Variants in FHIT observed in about 807,000 individuals in gnomAD.
The protein encoded by FHIT is bis(5'-adenosyl)-triphosphatase.
FHIT carries 19 observed loss-of-function variants against 17.9 expected under a neutral mutation model. The observed-to-expected ratio is 1.06, with a 90% confidence interval of 0.74 to 1.56. The LOEUF (loss-of-function observed/expected upper bound fraction) is 1.56. Among genes scored for constraint, FHIT ranks in the 40% most tolerant of loss-of-function variants. The pLI, the probability that FHIT is intolerant of heterozygous loss-of-function variation, is 0.00. For missense variants in FHIT, 248 were observed against 189.2 expected (o/e 1.31, Z -1.82); for synonymous variants, 81 against 69.7 (o/e 1.16, Z -0.81).
intron 2 of FHIT, among the ~76,000 whole-genome samples, chr3:61,111,736 G>A (rs2036164918): frequency 6.6e-6 from 1 of 152,146 alleles, no homozygotes; most frequent in Non-Finnish European, 1.5e-5. Context: ...CAACATGACT[G>A]GAACTGGAAA....
intron 4 of FHIT, among the ~76,000 whole-genome samples, chr3:60,658,567 T>C (rs1025871738): frequency 1.1e-4 from 17 of 152,124 alleles, no homozygotes; most frequent in African/African-American, 4.1e-4. Context: ...CTCCTCTACT[T>C]CTCTGTCCCC....
intron 3 of FHIT, among the ~76,000 whole-genome samples, chr3:60,969,274 T>C (rs982261738): frequency 2.0e-5 from 3 of 152,156 alleles, no homozygotes; most frequent in African/African-American, 7.2e-5. Flanking sequence ...ATTTAACCAT[T>C]TCATTTAAAT....
intron 5 of FHIT, among the ~76,000 whole-genome samples, chr3:60,294,389 C>A (rs1340949907): frequency 6.6e-6 from 1 of 152,104 alleles, no homozygotes; most frequent in Non-Finnish European, 1.5e-5. Context: ...TCCAGAGGAA[C>A]CCAGGTTCCA....
In FHIT at chr3:60,194,100, G is replaced by A. The variant is rs371385302; in HGVS notation, c.104-179948C>T. Among the ~76,000 whole-genome samples, 19 of 152,044 alleles carry A rather than the reference G, an allele frequency of 1.2e-4. No individual in the cohort carries two copies. The South Asian group carries it at 3.1e-3, about 25-fold the overall frequency. On this transcript the variant is annotated intron_variant, in intron 5 of 9. Transcript: ENST00000492590. ...AATAGAAAACTCAATCCTAAAGTTC[G>A]CATATGGAACCAAAAAGAGCCCAAA... is the stretch of plus-strand genomic sequence containing the variant.
intron 5 of FHIT, among the ~76,000 whole-genome samples, chr3:60,281,122 CAT>C (rs1707429341): frequency 2.1e-5 from 1 of 48,576 alleles, no homozygotes; most frequent in Non-Finnish European, 3.9e-5. Flanking sequence ...AAATAAAACA[CAT>C]AGATGTAAAA....
intron 5 of FHIT, among the ~76,000 whole-genome samples, chr3:60,049,232 C>T (rs1701775353): frequency 6.6e-6 from 1 of 152,102 alleles, no homozygotes; most frequent in Admixed American, 6.5e-5. Flanking sequence ...TATTTGTTTA[C>T]ATCATTATGC....
intron 3 of FHIT, among the ~76,000 whole-genome samples, chr3:60,907,007 G>A (rs1353800385): frequency 6.6e-6 from 1 of 152,076 alleles, no homozygotes; most frequent in East Asian, 1.9e-4. Context: ...ATAATACAAA[G>A]AGAAAAACAT....
At chr3:61,141,395 T>G (rs757736644) in intron 2 of FHIT, among the ~76,000 whole-genome samples, 3 of 152,206 alleles carry the variant, frequency 2.0e-5, no homozygotes, top group Non-Finnish European at 4.4e-5. Context: ...CATCCGCTCC[T>G]TTCATTCAAC....
chr3:60,334,044 C>T (rs1461086358), intron 5 of FHIT, among the ~76,000 whole-genome samples: 1 of 152,124 alleles, frequency 6.6e-6, no homozygotes, highest in Non-Finnish European at 1.5e-5. Flanking sequence ...TTCCCATCTC[C>T]TCAGTTACAG....
At chr3:60,220,832 G>C (rs1015429468) in intron 5 of FHIT, among the ~76,000 whole-genome samples, 1 of 152,142 alleles carries the variant, frequency 6.6e-6, no homozygotes, top group African/African-American at 2.4e-5. Context: ...CTTCACAGCA[G>C]TATTAGAAAA....
intron 1 of FHIT, among the ~76,000 whole-genome samples, chr3:61,204,797 A>G (rs2039158049): frequency 6.6e-6 from 1 of 152,182 alleles, no homozygotes; most frequent in Non-Finnish European, 1.5e-5. Flanking sequence ...CAATAATAGA[A>G]GAGAAAGTAT....
intron 7 of FHIT, among the ~76,000 whole-genome samples, chr3:59,974,830 G>A (rs770500649): frequency 1.6e-4 from 25 of 152,080 alleles, no homozygotes; most frequent in Non-Finnish European, 3.4e-4. Flanking sequence ...TGAGTCTATA[G>A]TAGAGAGAAA....
intron 4 of FHIT, among the ~76,000 whole-genome samples, chr3:60,605,010 T>C (rs567137323): frequency 2.0e-5 from 3 of 152,176 alleles, no homozygotes; most frequent in Non-Finnish European, 4.4e-5. Flanking sequence ...ATTTCTCTCA[T>C]GTCTAAACCA....
At chr3:60,924,396 T>C (rs1707463265) in intron 3 of FHIT, among the ~76,000 whole-genome samples, 1 of 152,110 alleles carries the variant, frequency 6.6e-6, no homozygotes, top group African/African-American at 2.4e-5. Flanking sequence ...CATTTGCTGT[T>C]CACCAATATC....
chr3:60,027,132 C>CAG (rs1423870480), intron 5 of FHIT, among the ~76,000 whole-genome samples: 52 of 120,340 alleles, frequency 4.3e-4, no homozygotes, highest in Middle Eastern at 7.7e-3. Context: ...CACACACACA[C>CAG]ACACACACAC....
At chr3:60,259,427 A>T (rs1458368246) in intron 5 of FHIT, among the ~76,000 whole-genome samples, 3 of 152,182 alleles carry the variant, frequency 2.0e-5, no homozygotes, top group African/African-American at 7.2e-5. Context: ...GAAGATGAGT[A>T]GTGGGTGTGG....
chr3:60,300,464 T>G (rs1708411153), intron 5 of FHIT, among the ~76,000 whole-genome samples: 1 of 152,086 alleles, frequency 6.6e-6, no homozygotes, highest in Non-Finnish European at 1.5e-5. Flanking sequence ...GCTACTAGCC[T>G]TGCATCTCTA....
At chr3:59,951,320 G>A (rs1707105412) in intron 7 of FHIT, among the ~76,000 whole-genome samples, 1 of 152,078 alleles carries the variant, frequency 6.6e-6, no homozygotes, top group Non-Finnish European at 1.5e-5. Flanking sequence ...CCACGACTTT[G>A]TAGCCATTGC....
intron 5 of FHIT, among the ~76,000 whole-genome samples, chr3:60,144,749 G>A (rs1168510907): frequency 6.6e-6 from 1 of 151,956 alleles, no homozygotes; most frequent in African/African-American, 2.4e-5. Context: ...ACCTTCAATA[G>A]CCTCTTTTCT....
Sources: allele counts gnomAD v4.1 joint callset (sites outside exome capture counted in the v4.1 genomes callset), GRCh38; gene constraint gnomAD v4.1.1; transcripts MANE v1.5; gene names NCBI Gene and HGNC (gene_info 2026-07-23, HGNC 2026-07-21).